Variants in WWOX observed in about 807,000 individuals in gnomAD.
WWOX encodes WW domain containing oxidoreductase.
In WWOX, 69 loss-of-function variants were observed where a neutral mutation model predicts 46.2. The ratio of observed to expected loss-of-function variants is 1.49; its 90% CI spans 1.23 to 1.82. The LOEUF is 1.82. Ranked by LOEUF, WWOX falls within the 40% of genes most tolerant of loss-of-function variation. The pLI is 0.00. For synonymous variants in WWOX, 359 were observed against 202.6 expected, an observed-to-expected ratio of 1.77 and a Z score of -6.56; for missense variants, 919 against 542.6, an observed-to-expected ratio of 1.69 and a Z score of -6.89.
intron 8 of WWOX, among the ~76,000 whole-genome samples, chr16:78,793,801 C>G (rs2050669700): frequency 6.6e-6 from 1 of 151,632 alleles, no homozygotes; most frequent in African/African-American, 2.4e-5. Context: ...TTTGGCTGGG[C>G]AAGGTGGCTC....
intron 1 of WWOX, among the ~76,000 whole-genome samples, chr16:78,100,689 T>G (rs1025474672): frequency 1.3e-5 from 2 of 152,232 alleles, no homozygotes; most frequent in African/African-American, 4.8e-5. Flanking sequence ...TTTTTTCACC[T>G]GTAAAATGGG....
At chr16:78,646,207 G>C (rs569861334) in intron 8 of WWOX, among the ~76,000 whole-genome samples, 4 of 152,280 alleles carry the variant, frequency 2.6e-5, no homozygotes, top group Admixed American at 6.5e-5. Context: ...TTTTGGTAGA[G>C]ATGATATCTT....
intron 8 of WWOX, among the ~76,000 whole-genome samples, chr16:78,873,728 G>A (rs1433664887): frequency 6.6e-6 from 1 of 152,162 alleles, no homozygotes; most frequent in Non-Finnish European, 1.5e-5. Flanking sequence ...GTTCAAGGCT[G>A]CAGAGAGCTG....
chr16:78,353,870 G>C (rs1017442912), intron 5 of WWOX, among the ~76,000 whole-genome samples: 1 of 152,178 alleles, frequency 6.6e-6, no homozygotes, highest in African/African-American at 2.4e-5. Flanking sequence ...ATGTGGTGCC[G>C]AGTTGTCAGG....
chr16:78,443,223 T>C (rs1347188033), intron 8 of WWOX, among the ~76,000 whole-genome samples: 1 of 149,536 alleles, frequency 6.7e-6, no homozygotes, highest in Non-Finnish European at 1.5e-5. Flanking sequence ...GAAAATCACA[T>C]GAACCTGGGA....
At chr16:78,661,664 C>A (rs2047216653) in intron 8 of WWOX, among the ~76,000 whole-genome samples, 1 of 150,290 alleles carries the variant, frequency 6.7e-6, no homozygotes, top group African/African-American at 2.5e-5. Context: ...GGGGTGGGGG[C>A]TCTGTGCATG....
chr16:79,139,384 A>G (rs372076601), intron 8 of WWOX, among the ~76,000 whole-genome samples: 2 of 152,154 alleles, frequency 1.3e-5, no homozygotes, highest in East Asian at 1.9e-4. Flanking sequence ...TTTTGCTTAA[A>G]CTGCCAAGTG....
chr16:78,434,388 C>G (rs2083291696), intron 8 of WWOX, among the ~76,000 whole-genome samples: 2 of 152,154 alleles, frequency 1.3e-5, no homozygotes, highest in Admixed American at 1.3e-4. Flanking sequence ...TAAGCGCAGC[C>G]TCTTCATGAA....
rs376622174 is a variant in WWOX at position 78,104,231 on chromosome 16, AACACAC to A, written c.108-4157_108-4152del. On this transcript the variant is annotated intron_variant, in intron 1 of 8. Coordinates refer to ENST00000566780, the MANE Select transcript of WWOX (RefSeq NM_016373.4). ...CCCTGCTAACTTACACTGTGCTCAA[AACACAC>A]ACACACACACACACACACACACACA... Among the ~76,000 whole-genome samples, 1,062 of 130,200 alleles carry A rather than the reference AACACAC, an allele frequency of 8.2e-3. 11 individuals carry two copies. The highest frequency in any genetic ancestry group is 0.026 in the African/African-American group (894 of 34,048). 85.4% of individuals were successfully genotyped at this position (130,200 alleles called of 152,430 possible).
At chr16:78,652,499 G>T (rs2046989624) in intron 8 of WWOX, among the ~76,000 whole-genome samples, 1 of 151,682 alleles carries the variant, frequency 6.6e-6, no homozygotes, top group Non-Finnish European at 1.5e-5. Flanking sequence ...CTCTATAAAG[G>T]ACTATAAAAA....
At chr16:78,628,193 C>T (rs766298300) in intron 8 of WWOX, among the ~76,000 whole-genome samples, 19 of 152,156 alleles carry the variant, frequency 1.2e-4, no homozygotes, top group Non-Finnish European at 2.2e-4. Context: ...TCATGGCTGC[C>T]GTCTGAGTGA....
intron 5 of WWOX, among the ~76,000 whole-genome samples, chr16:78,245,070 C>G (rs2037774270): frequency 6.6e-6 from 1 of 152,186 alleles, no homozygotes; most frequent in South Asian, 2.1e-4. Context: ...CTTGTTATCT[C>G]TAAATTAATT....
intron 8 of WWOX, among the ~76,000 whole-genome samples, chr16:78,695,842 G>T (rs755279463): frequency 9.2e-5 from 14 of 152,188 alleles, no homozygotes; most frequent in Non-Finnish European, 1.8e-4. Flanking sequence ...CATCAGGTAC[G>T]CTGTGGAAGG....
chr16:78,140,314 C>G (rs1434815977), intron 4 of WWOX, among the ~76,000 whole-genome samples: 3 of 152,116 alleles, frequency 2.0e-5, no homozygotes. Context: ...TCTGATGGGA[C>G]TATAAATGAG....
At chr16:78,770,655 G>GCCCCCTCC (rs2050041868) in intron 8 of WWOX, among the ~76,000 whole-genome samples, 1 of 144,052 alleles carries the variant, frequency 6.9e-6, no homozygotes, top group Admixed American at 7.0e-5. Context: ...GGAAACTCCC[G>GCCCCCTCC]CCCCCTCCCC....
rs111373647 is a variant in WWOX, at chr16:78,549,469, A to G, written c.1056+116717A>G. 2.7e-4 allele frequency among the ~76,000 whole-genome samples: 41 copies of G among 152,248 alleles called. 1 individual carries two copies. The highest frequency in any genetic ancestry group is 9.6e-4 in the African/African-American group (40 of 41,556). On this transcript the variant is annotated intron_variant, in intron 8 of 8. Coordinates refer to ENST00000566780, the MANE Select transcript of WWOX (RefSeq NM_016373.4). ...CTTCAGGGTTTCCCATTCAGTCATG[A>G]TATGCGGTTCAGAGAAAGTTGGATC...
intron 5 of WWOX, among the ~76,000 whole-genome samples, chr16:78,197,946 A>C (rs138845687): frequency 6.6e-5 from 10 of 150,592 alleles, no homozygotes; most frequent in East Asian, 3.9e-4. Flanking sequence ...TTTTTCTTTT[A>C]TTTTTTTTTT....
intron 8 of WWOX, among the ~76,000 whole-genome samples, chr16:79,142,877 A>AT (rs1051220904): frequency 7.3e-5 from 11 of 151,724 alleles, no homozygotes; most frequent in African/African-American, 2.2e-4. Flanking sequence ...TTTTATATAT[A>AT]TTTTTTTACA....
chr16:78,224,641 A>G (rs2036992514), intron 5 of WWOX, among the ~76,000 whole-genome samples: 1 of 152,178 alleles, frequency 6.6e-6, no homozygotes, highest in Non-Finnish European at 1.5e-5. Context: ...TTTTTGTAGT[A>G]CACACCAGTG....
Sources: gnomAD v4.1 joint callset for allele counts (sites outside exome capture counted in the v4.1 genomes callset) on GRCh38, gnomAD v4.1.1 for gene constraint, MANE v1.5 for transcripts, NCBI Gene and HGNC (gene_info 2026-07-23, HGNC 2026-07-21) for gene names.